The following ADAMTSL1 variants were observed in gnomAD, a reference collection of about 807,000 sequenced individuals.
The protein encoded by ADAMTSL1 is ADAMTS like 1.
ADAMTSL1 carries 126 observed loss-of-function variants against 201.8 expected under a neutral mutation model. That is an observed-to-expected ratio of 0.62 (90% confidence interval 0.54 to 0.72). ADAMTSL1 has a LOEUF of 0.72. Among genes scored for constraint, ADAMTSL1 ranks in the 30% least tolerant of loss-of-function variants. The pLI is 0.00. For synonymous variants in ADAMTSL1, 1,121 were observed against 903.4 expected, an observed-to-expected ratio of 1.24 and a Z score of -4.32; for missense variants, 2,679 against 2,277.8, an observed-to-expected ratio of 1.18 and a Z score of -3.59.
At chr9:18,501,190 G>A (rs545334090) in intron 1 of ADAMTSL1, among the ~76,000 whole-genome samples, 9 of 152,210 alleles carry the variant, frequency 5.9e-5, no homozygotes, top group African/African-American at 2.2e-4. Flanking sequence ...CTGCTGTAAA[G>A]TTAAAAGGAC....
At chr9:18,199,652 T>C (rs912210161) in intron 2 of ADAMTSL1, among the ~76,000 whole-genome samples, 2 of 152,148 alleles carry the variant, frequency 1.3e-5, no homozygotes, top group African/African-American at 4.8e-5. Context: ...GTGTCTTTTT[T>C]CTGGAGAAAA....
At chr9:18,008,195 A>G (rs1028376313) in intron 1 of ADAMTSL1, among the ~76,000 whole-genome samples, 1 of 151,936 alleles carries the variant, frequency 6.6e-6, no homozygotes, top group Admixed American at 6.6e-5. Flanking sequence ...TGACCCTCAG[A>G]AAATAGGTCT....
At chr9:18,048,929 A>G (rs912235074) in intron 1 of ADAMTSL1, among the ~76,000 whole-genome samples, 6 of 152,162 alleles carry the variant, frequency 3.9e-5, no homozygotes, top group African/African-American at 1.4e-4. Flanking sequence ...TCCAAGATCA[A>G]GGTATCAGCA....
chr9:18,891,676 A>C (rs1034316616), intron 25 of ADAMTSL1, among the ~76,000 whole-genome samples: 7 of 152,208 alleles, frequency 4.6e-5, no homozygotes, highest in Admixed American at 4.6e-4. Context: ...CAAGAGATGG[A>C]ACTTTACCTG....
chr9:18,115,215 C>CT (rs1371075970), intron 1 of ADAMTSL1, among the ~76,000 whole-genome samples: 1 of 152,092 alleles, frequency 6.6e-6, no homozygotes, highest in Non-Finnish European at 1.5e-5. Context: ...TATTGAACAT[C>CT]TTTTTTGCAT....
chr9:17,961,881 T>A (rs966770475), intron 1 of ADAMTSL1, among the ~76,000 whole-genome samples: 4 of 152,128 alleles, frequency 2.6e-5, no homozygotes, highest in Admixed American at 6.5e-5. Flanking sequence ...AGAATCAGGG[T>A]TCCTTTTCAG....
At chr9:18,617,410 C>T (rs933536434) in intron 4 of ADAMTSL1, among the ~76,000 whole-genome samples, 2 of 151,306 alleles carry the variant, frequency 1.3e-5, no homozygotes, top group South Asian at 2.1e-4. Flanking sequence ...ACCCCTACTG[C>T]AGGCCTGATG....
At chr9:18,674,365 A>T (rs1166648651) in intron 9 of ADAMTSL1, among the ~76,000 whole-genome samples, 1 of 152,136 alleles carries the variant, frequency 6.6e-6, no homozygotes, top group Non-Finnish European at 1.5e-5. Context: ...ATCCATCTTA[A>T]ATGCTTTGTT....
At chr9:18,556,240 C>T (rs553807591) in intron 3 of ADAMTSL1, among the ~76,000 whole-genome samples, 2 of 152,058 alleles carry the variant, frequency 1.3e-5, no homozygotes, top group African/African-American at 4.8e-5. Flanking sequence ...ATAATAAAAG[C>T]TTGACTTATG....
At chr9:18,357,697 C>G (rs1354684730) in intron 2 of ADAMTSL1, among the ~76,000 whole-genome samples, 2 of 152,012 alleles carry the variant, frequency 1.3e-5, no homozygotes, top group Non-Finnish European at 1.5e-5. Context: ...GTGCCAAAAG[C>G]TCAATAGTCT....
At chr9:18,446,292 C>A (rs1436342236) in intron 2 of ADAMTSL1, among the ~76,000 whole-genome samples, 1 of 152,064 alleles carries the variant, frequency 6.6e-6, no homozygotes, top group East Asian at 1.9e-4. Context: ...GGAAGATATG[C>A]CTGGGGGAAA....
chr9:18,245,829 C>A (rs10756952), intron 2 of ADAMTSL1, among the ~76,000 whole-genome samples: 41,449 of 151,776 alleles, frequency 0.27, 5,896 homozygotes, highest in East Asian at 0.45. Context: ...AACTTTAAAT[C>A]AAGTTTCTGC....
chr9:18,573,835 T>C (rs1371132689), intron 3 of ADAMTSL1, among the ~76,000 whole-genome samples, 195 bp from the exon 4 acceptor site: 2 of 152,200 alleles, frequency 1.3e-5, no homozygotes, highest in Non-Finnish European at 1.5e-5. Context: ...TTTGAGGTGA[T>C]TGCTTTATCA....
At chr9:18,178,857 C>T (rs1038746234) in intron 2 of ADAMTSL1, among the ~76,000 whole-genome samples, 2 of 152,030 alleles carry the variant, frequency 1.3e-5, no homozygotes, top group Admixed American at 1.3e-4. Flanking sequence ...AAAGGACATC[C>T]ACACCAAAAA....
chr9:18,126,536 G>T (rs568731770), intron 1 of ADAMTSL1, among the ~76,000 whole-genome samples: 2 of 152,256 alleles, frequency 1.3e-5, no homozygotes. Context: ...TGCACCACAC[G>T]TGGCAGAGTG....
At chr9:18,522,977 A>C (rs1314088525) in intron 2 of ADAMTSL1, among the ~76,000 whole-genome samples, 7 of 152,120 alleles carry the variant, frequency 4.6e-5, no homozygotes, top group Non-Finnish European at 8.8e-5. Flanking sequence ...GGCTGGGTCA[A>C]ATGGTATTTC....
chr9:18,711,234 G>C (rs1832568437), intron 14 of ADAMTSL1, among the ~76,000 whole-genome samples: 1 of 152,178 alleles, frequency 6.6e-6, no homozygotes, highest in Non-Finnish European at 1.5e-5. Flanking sequence ...AGAAATTTCA[G>C]GCAAGGAGCC....
chr9:18,219,766 C>G (rs1190287580), intron 2 of ADAMTSL1, among the ~76,000 whole-genome samples: 1 of 152,114 alleles, frequency 6.6e-6, no homozygotes, highest in Non-Finnish European at 1.5e-5. Context: ...TTGTCACTTA[C>G]AGTGTCATTA....
intron 22 of ADAMTSL1, among the ~76,000 whole-genome samples, chr9:18,829,514 T>A (rs114931187): frequency 2.0e-3 from 304 of 152,272 alleles, no homozygotes; most frequent in African/African-American, 7.2e-3. Context: ...TTCACTTTTT[T>A]AAAAAAGTGT....
Sources: allele counts gnomAD v4.1 joint callset (sites outside exome capture counted in the v4.1 genomes callset), GRCh38; gene constraint gnomAD v4.1.1; transcripts MANE v1.5; gene names NCBI Gene and HGNC (gene_info 2026-07-23, HGNC 2026-07-21).